Variants in MAVS observed in about 807,000 individuals in gnomAD.
MAVS encodes the protein mitochondrial antiviral signaling protein, also known as mitochondrial antiviral-signaling protein.
A neutral mutation model predicts 30.2 loss-of-function variants in MAVS; 20 were observed. That is an observed-to-expected ratio of 0.66 (90% CI 0.47 to 0.96). The LOEUF (loss-of-function observed/expected upper bound fraction) is 0.96. Among genes scored for constraint, MAVS ranks in the 40% least tolerant of loss-of-function variants. The probability of loss-of-function intolerance (pLI) is 0.00; values close to 1 mark genes in which losing one functional copy is unlikely to be tolerated. For synonymous variants in MAVS, 278 were observed against 293.9 expected (o/e 0.95, Z 0.55); for missense variants, 624 against 701.1 (o/e 0.89, Z 1.24).
intron 5 of MAVS, among the ~76,000 whole-genome samples, chr20:3,863,569 G>T (rs112493846): frequency 7.2e-5 from 11 of 152,326 alleles, no homozygotes; most frequent in African/African-American, 2.6e-4. Context: ...TGTGGTATTA[G>T]ATTGTGGTGG....
At position 3,857,809 on chromosome 20, in the gene MAVS, C is replaced by G; in HGVS notation, c.292C>G (p.Arg98Gly). 1 of 1,614,194 alleles carries G rather than the reference C, an allele frequency of 6.2e-7. No homozygotes were observed. Among genetic ancestry groups the G allele is most frequent in the Non-Finnish European group, 8.5e-7 (1 of 1,180,014 alleles). ...CTCTGTCTACCAGAGCTACCAGCCT[C>G]GTGAGCGTCCTGCCCTTGCCCTCCT... The part of the protein sequence containing the change: ...VASVYQSYQP[R>G]TSDRPPDPLE... The change falls in exon 3 of 7, where the codon CGG (arginine) becomes GGG (glycine). Residue 98 changes from arginine to glycine, a missense_variant and splice_region_variant. Arg to Gly is a moderately radical substitution (Grantham distance 125). Coordinates refer to ENST00000428216, the MANE Select transcript of MAVS (RefSeq NM_020746.5).
rs182392211 is a variant in MAVS, at chr20:3,872,112, C to G, written c.*5965C>G. ...TGTTCTTTATGCCTGTGAACCACAG[C>G]TTATCACATGTCTGGAGTTAGGGAC... On this transcript the variant is annotated 3_prime_UTR_variant, in exon 7 of 7. Coordinates refer to ENST00000428216, the MANE Select transcript of MAVS (RefSeq NM_020746.5). 2 of 152,372 alleles carry G rather than the reference C, an allele frequency of 1.3e-5. No homozygotes were observed. The highest frequency in any genetic ancestry group is 6.5e-5 in the Admixed American group (1 of 15,278). 9.4% of individuals were successfully genotyped at this position (152,372 alleles called of 1,614,324 possible). A position where few individuals can be genotyped will look rare whatever the true frequency, so the allele number is the denominator to read the frequency against.
At chr20:3,863,675 T>C (rs1385272172) in intron 5 of MAVS, among the ~76,000 whole-genome samples, 1 of 152,142 alleles carries the variant, frequency 6.6e-6, no homozygotes, top group African/African-American at 2.4e-5. Context: ...CAACTGCCTT[T>C]ACAGACCATC....
intron 1 of MAVS, among the ~76,000 whole-genome samples, chr20:3,852,005 T>TTTTTTTTTTTTTTTTTTTTTCC (rs2089764654): frequency 2.3e-5 from 1 of 44,404 alleles, no homozygotes; most frequent in African/African-American, 1.3e-4. Context: ...TTTTTTTTTT[T>TTTTTTTTTTTTTTTTTTTTTCC]TTCCCCCGAG....
chr20:3,857,222 C>T (rs1431084372), intron 2 of MAVS, among the ~76,000 whole-genome samples: 1 of 152,046 alleles, frequency 6.6e-6, no homozygotes, highest in African/African-American at 2.4e-5. Flanking sequence ...TCTTTTTGCC[C>T]TGGGGGCCAT....
At position 3,865,047 on chromosome 20, in the gene MAVS, C is replaced by T. The variant is rs2089896014; in HGVS notation, c.1158+259C>T. ...TCAGCCACAGGGGGCACCCACTGGT[C>T]AGGTGTATAAGTTCATTTAGGGCTC... On this transcript the variant is annotated intron_variant, in intron 6 of 6. Transcript: ENST00000428216. The surrounding 1 kb of genome is among the most constrained non-coding windows in gnomAD (Gnocchi z 4.7). Among the ~76,000 whole-genome samples the T allele has an allele frequency of 6.6e-6, 1 of 152,234 alleles. No homozygotes were observed. The highest frequency in any genetic ancestry group is 1.5e-5 in the Non-Finnish European group (1 of 68,040).
chr20:3,857,009 C>T (rs1361731959), intron 2 of MAVS, among the ~76,000 whole-genome samples: 5 of 147,982 alleles, frequency 3.4e-5, no homozygotes, highest in Non-Finnish European at 7.4e-5. Context: ...GCACTCCAGC[C>T]TGGGCGACGG....
At position 3,872,070 on chromosome 20, in the gene MAVS, C is replaced by T. The variant is rs528344395; in HGVS notation, c.*5923C>T. On this transcript the variant is annotated 3_prime_UTR_variant, in exon 7 of 7. Coordinates refer to ENST00000428216, the MANE Select transcript of MAVS (RefSeq NM_020746.5). ...ACAATGCGAGGGAAAACTCTGACCC[C>T]GGGGCCCCAGGCTGGATGTTCTTTA... 9.8e-5 allele frequency: 15 copies of T among 152,446 alleles called. No homozygotes were observed. Among genetic ancestry groups the T allele is most frequent in the African/African-American group, 1.7e-4 (7 of 41,550 alleles). The allele number at this position is 152,446 out of a possible 1,614,324, so 9.4% of individuals were successfully genotyped here. A position where few individuals can be genotyped will look rare whatever the true frequency, so the allele number is the denominator to read the frequency against.
At position 3,866,090 on chromosome 20, in the gene MAVS, GA is replaced by G. The variant is rs1394112577; in HGVS notation, c.1567del (p.Thr523GlnfsTer5). 6.2e-7 allele frequency: 1 copy of G among 1,610,034 alleles called. No homozygotes were observed. Among genetic ancestry groups the G allele is most frequent in the Non-Finnish European group, 8.5e-7 (1 of 1,179,130 alleles). Reference sequence around the variant, plus strand: ...GGGCTCTGTGGCTCCAGGTGGCTGTGACAGGGGTGCTGGTAGTCACACTCCT... The same window carrying G: ...GGGCTCTGTGGCTCCAGGTGGCTGTGCAGGGGTGCTGGTAGTCACACTCCT... ...PGALWLQVAV[T>X]GVLVVTLLVV... On this transcript the variant is annotated frameshift_variant, in exon 7 of 7. Transcript: ENST00000428216. LOFTEE classifies it low-confidence loss of function (END_TRUNC).
At chr20:3,854,787 T>C in intron 2 of MAVS, 46 bp downstream of exon 2, 1 of 1,405,088 alleles carries the variant, frequency 7.1e-7, no homozygotes, top group South Asian at 1.2e-5. Context: ...GGGGCAGGGC[T>C]GTGGAATTCA....
At chr20:3,858,049 C>T (rs897673541) in intron 3 of MAVS, 1 of 556,768 alleles carries the variant, frequency 1.8e-6, no homozygotes, top group Non-Finnish European at 3.3e-6. Flanking sequence ...CTCATGGCAG[C>T]ATCTGCCGCG....
At position 3,867,114 on chromosome 20, in the gene MAVS, T is replaced by G. The variant is rs1309909281; in HGVS notation, c.*967T>G. 4.4e-6 allele frequency: 2 copies of G among 455,340 alleles called. No individual in the cohort carries two copies. Among genetic ancestry groups the G allele is most frequent in the Non-Finnish European group, 8.8e-6 (2 of 226,222 alleles). The allele number at this position is 455,340 out of a possible 1,614,324, so 28.2% of individuals were successfully genotyped here. On this transcript the variant is annotated 3_prime_UTR_variant, in exon 7 of 7. Coordinates refer to ENST00000428216, the MANE Select transcript of MAVS (RefSeq NM_020746.5). ...TCTCTCCTGCCCAACCTGGTAGAGC[T>G]GAGGGCATGAGAGGCAGAGTGCACA...
In MAVS at chr20:3,865,661, A is replaced by G; in HGVS notation, c.1159-22A>G. On this transcript the variant is annotated intron_variant, in intron 6 of 6. Transcript: ENST00000428216. The surrounding 1 kb of genome is among the most constrained non-coding windows in gnomAD (Gnocchi z 4.7). Reference sequence around the variant, plus strand: ...CTCCCTGCCAACCCCAGTCCCTTCCAGTGCTCTCCTTTCTTTCCCAGGAGA... The same window carrying G: ...CTCCCTGCCAACCCCAGTCCCTTCCGGTGCTCTCCTTTCTTTCCCAGGAGA... 1 of 1,577,900 alleles carries G rather than the reference A, an allele frequency of 6.3e-7. No homozygotes were observed. The highest frequency in any genetic ancestry group is 8.6e-7 in the Non-Finnish European group (1 of 1,161,032).
At chr20:3,854,928 G>T in intron 2 of MAVS, among the ~76,000 whole-genome samples, 187 bp downstream of exon 2, 1 of 126,910 alleles carries the variant, frequency 7.9e-6, no homozygotes. Context: ...GTCTCGTTCT[G>T]TCGCCAGGCT....
At chr20:3,864,813 G>A (rs751371740) in intron 6 of MAVS, 25 bp downstream of exon 6, 3 of 1,604,874 alleles carry the variant, frequency 1.9e-6, no homozygotes, top group Admixed American at 3.3e-5. Context: ...TTCCTGGCAG[G>A]GATCCTGGCC....
Position 3,864,679 on chromosome 20 carries a change from C to T in MAVS, c.1049C>T (p.Pro350Leu), listed in dbSNP as rs1477140785. 6.2e-7 allele frequency: 1 copy of T among 1,614,240 alleles called. No homozygotes were observed. Among genetic ancestry groups the T allele is most frequent in the South Asian group, 1.1e-5 (1 of 91,088 alleles). ...ALTNPAPSKL[P>L]INSTRAGMVP... The stretch of plus-strand genomic sequence containing the variant: ...ACCAATCCAGCACCATCCAAATTGC[C>T]CATCAACTCAACCCGTGCTGGCATG... Residue 350 changes from proline (P) to leucine (L), a missense_variant, in exon 6 of 7, where the codon CCC (proline) becomes CTC (leucine). Physicochemically the swap from Pro to Leu is moderately conservative, Grantham distance 98. Coordinates refer to ENST00000428216, the MANE Select transcript of MAVS (RefSeq NM_020746.5).
Position 3,866,044 on chromosome 20 carries a change from C to T in MAVS, c.1520C>T (p.Pro507Leu). 1 of 1,612,622 alleles carries T rather than the reference C, an allele frequency of 6.2e-7. No individual in the cohort carries two copies. The highest frequency in any genetic ancestry group is 2.2e-5 in the East Asian group (1 of 44,872). Residue 507 changes from proline to leucine, a missense_variant, in exon 7 of 7, where the codon CCA becomes CTA. Pro to Leu is a moderately conservative substitution (Grantham distance 98). Transcript: ENST00000428216. ...ADRKFQEREV[P>L]CHRPSPGALW... is the part of the protein sequence containing the mutation. ...CGGAAGTTCCAGGAGAGGGAGGTGC[C>T]ATGCCACAGGCCCTCACCTGGGGCT...
Position 3,866,868 on chromosome 20 carries a change from G to T in MAVS, c.*721G>T, listed in dbSNP as rs781397495. 4.4e-6 allele frequency: 2 copies of T among 457,474 alleles called. No individual in the cohort carries two copies. Among genetic ancestry groups the T allele is most frequent in the South Asian group, 3.1e-5 (2 of 64,556 alleles). The allele number at this position is 457,474 out of a possible 1,614,324, so 28.3% of individuals were successfully genotyped here. ...TTCTCTTCAGCTCCCTACATGGGCT[G>T]GGGAGGAGACACCTGGTGGGCAGAG... On this transcript the variant is annotated 3_prime_UTR_variant, in exon 7 of 7. Coordinates refer to ENST00000428216, the MANE Select transcript of MAVS (RefSeq NM_020746.5).
chr20:3,848,367 G>A (rs2146751737), intron 1 of MAVS, among the ~76,000 whole-genome samples: 1 of 152,292 alleles, frequency 6.6e-6, no homozygotes, highest in East Asian at 1.9e-4. Flanking sequence ...CCAAAGTGCT[G>A]GGATTCCAGG....
Sources: gnomAD v4.1 joint callset for allele counts (sites outside exome capture counted in the v4.1 genomes callset) on GRCh38, gnomAD v4.1.1 for gene constraint, Gnocchi (gnomAD v3.1) non-coding constraint, MANE v1.5 for transcripts, NCBI Gene and HGNC (gene_info 2026-07-23, HGNC 2026-07-21) for gene names.